TFRC: variants seen among roughly 807,000 people sequenced by gnomAD.
TFRC encodes transferrin receptor.
A neutral mutation model predicts 85.8 loss-of-function variants in TFRC; 35 were observed. The observed-to-expected ratio is 0.41, with a 90% confidence interval of 0.31 to 0.54. The LOEUF (loss-of-function observed/expected upper bound fraction) is 0.54, where lower values mean the gene tolerates loss of function less well. Among genes scored for constraint, TFRC ranks in the 20% least tolerant of loss-of-function variants. TFRC has a pLI of 0.31. For missense variants in TFRC, 828 were observed against 921.5 expected (o/e 0.90, Z 1.31); for synonymous variants, 362 against 328.6 (o/e 1.10, Z -1.10).
chr3:196,068,346 C>T (rs1233180244), intron 7 of TFRC, among the ~76,000 whole-genome samples: 2 of 152,180 alleles, frequency 1.3e-5, no homozygotes, highest in African/African-American at 4.8e-5. Context: ...GGAGTGGTGG[C>T]TCACGCCTGT....
rs1405302295 is a variant in TFRC, at chr3:196,072,134, T to A, written c.453A>T (p.Ser151=). The change falls in exon 5 of 19, where the codon TCA becomes TCT. Residue 151 remains serine (S), a synonymous_variant. Transcript: ENST00000360110. ...GAGATCCAGCCTCACGAGGGACATA[T>A]GAATTTTCATTCAGCAGCCTGGAGG... ...TGTIKLLNEN[S]YVPREAGSQK... 6.2e-7 allele frequency: 1 copy of A among 1,613,450 alleles called. No individual in the cohort carries two copies. Among genetic ancestry groups the A allele is most frequent in the Admixed American group, 1.7e-5 (1 of 59,798 alleles).
At position 196,053,617 on chromosome 3, in the gene TFRC, C is replaced by G. The variant is rs1046420116; in HGVS notation, c.1900-59G>C. The G allele has an allele frequency of 1.1e-5, 17 of 1,595,220 alleles. No homozygotes were observed. The African/African-American group carries it at 2.2e-4, about 20-fold the overall frequency. The stretch of plus-strand genomic sequence containing the variant: ...ATTTCTAAGGACATTCTTTTGTATG[C>G]CTTTCTAATTTAACGTGCGTTAAGT... On this transcript the variant is annotated intron_variant, in intron 17 of 18. Transcript: ENST00000360110.
At chr3:196,076,971 A>T in intron 2 of TFRC, 93 bp downstream of exon 2, 1 of 1,168,836 alleles carries the variant, frequency 8.6e-7, no homozygotes, top group South Asian at 1.3e-5. Flanking sequence ...CTGATAATAG[A>T]TTGGGGTTAT....
intron 16 of TFRC, among the ~76,000 whole-genome samples, chr3:196,056,565 A>C (rs577340821): frequency 1.8e-3 from 266 of 151,544 alleles, no homozygotes; most frequent in Non-Finnish European, 3.0e-3. Flanking sequence ...ATGCCCAGCT[A>C]ATTTTTTTGT....
intron 7 of TFRC, 44 bp downstream of exon 7, chr3:196,069,411 A>G (rs1418132521): frequency 8.7e-7 from 1 of 1,149,500 alleles, no homozygotes. Flanking sequence ...GAAGAGTAAG[A>G]TACCAAAAGT....
At chr3:196,079,945 T>C (rs1719029581) in intron 1 of TFRC, among the ~76,000 whole-genome samples, 1 of 152,220 alleles carries the variant, frequency 6.6e-6, no homozygotes, top group South Asian at 2.1e-4. Context: ...TATCCTGTAA[T>C]AACTGGTATT....
intron 10 of TFRC, 96 bp downstream of exon 10, chr3:196,065,347 G>A (rs1044305478): frequency 2.9e-6 from 2 of 685,392 alleles, no homozygotes; most frequent in East Asian, 6.3e-5. Context: ...AGCCAAGCCA[G>A]CATTCCTACA....
intron 13 of TFRC, among the ~76,000 whole-genome samples, chr3:196,061,980 C>T (rs138369622): frequency 4.6e-5 from 7 of 152,224 alleles, no homozygotes; most frequent in African/African-American, 1.7e-4. Context: ...GGTTAAGATA[C>T]AGGCTGAGGG....
At chr3:196,072,680 G>C (rs1051154477) in intron 4 of TFRC, 2 of 149,958 alleles carry the variant, frequency 1.3e-5, no homozygotes, top group African/African-American at 5.0e-5. Flanking sequence ...GCATCAACTA[G>C]ATGAAGTAGA....
chr3:196,074,721 A>T (rs1718509901), intron 3 of TFRC, among the ~76,000 whole-genome samples: 1 of 152,038 alleles, frequency 6.6e-6, no homozygotes. Flanking sequence ...TCTACTAAAA[A>T]TACAAAAATT....
rs56119775 is a variant in TFRC, at chr3:196,075,046, C to CAAA, written c.238+110_238+112dup. 2.2e-3 allele frequency: 1,174 copies of CAAA among 532,204 alleles called. 1 individual carries two copies. Among genetic ancestry groups the CAAA allele is most frequent in the African/African-American group, 3.2e-3 (101 of 31,812 alleles). 33.0% of individuals were successfully genotyped at this position (532,204 alleles called of 1,614,324 possible). On this transcript the variant is annotated intron_variant, in intron 3 of 18. Coordinates refer to ENST00000360110, the MANE Select transcript of TFRC (RefSeq NM_001128148.3). ...AGGCAAGAGAGTAAGCCTCTGTCTCCAAAAAAAAAAAAAAAAAAAATAAGG... is the reference window on the plus strand; with the variant it reads ...AGGCAAGAGAGTAAGCCTCTGTCTCCAAAAAAAAAAAAAAAAAAAAAAATAAGG...
chr3:196,058,464 T>C, intron 15 of TFRC, 99 bp from the exon 16 acceptor site: 6 of 1,470,040 alleles, frequency 4.1e-6, no homozygotes, highest in Non-Finnish European at 5.7e-6. Context: ...TAGCTGAATA[T>C]CTTTAGGTGT....
At chr3:196,068,582 G>A (rs1190830060) in intron 7 of TFRC, among the ~76,000 whole-genome samples, 1 of 114,666 alleles carries the variant, frequency 8.7e-6, no homozygotes, top group East Asian at 2.8e-4. Flanking sequence ...CTGCACTCCA[G>A]CCTGGACAAA....
chr3:196,075,838 A>G (rs889230480), intron 2 of TFRC, among the ~76,000 whole-genome samples: 2 of 152,054 alleles, frequency 1.3e-5, no homozygotes, highest in African/African-American at 2.4e-5. Context: ...CAGAAAAGAG[A>G]GAATAGACCA....
At chr3:196,053,322 T>G in intron 18 of TFRC, 96 bp downstream of exon 18, 1 of 1,387,332 alleles carries the variant, frequency 7.2e-7, no homozygotes, top group Non-Finnish European at 1.0e-6. Flanking sequence ...TTAAAGGAAT[T>G]CTAGACTCCT....
intron 9 of TFRC, among the ~76,000 whole-genome samples, 170 bp from the exon 10 acceptor site, chr3:196,065,770 T>A (rs1241485257): frequency 6.6e-6 from 1 of 151,832 alleles, no homozygotes; most frequent in East Asian, 1.9e-4. Flanking sequence ...GGCAGGTGGA[T>A]CACAAGGTCA....
chr3:196,077,213 T>A, intron 1 of TFRC, 91 bp from the exon 2 acceptor site: 1 of 862,280 alleles, frequency 1.2e-6, no homozygotes, highest in South Asian at 1.7e-5. Flanking sequence ...ACATTAAATT[T>A]TTAAAATACA....
intron 2 of TFRC, among the ~76,000 whole-genome samples, chr3:196,076,492 C>A (rs112149378): frequency 6.6e-6 from 1 of 151,034 alleles, no homozygotes; most frequent in Non-Finnish European, 1.5e-5. Flanking sequence ...CTCTGTTGCC[C>A]AGGCTGGAGT....
At chr3:196,061,528 C>T (rs1331584808) in intron 13 of TFRC, among the ~76,000 whole-genome samples, 2 of 152,032 alleles carry the variant, frequency 1.3e-5, no homozygotes, top group East Asian at 1.9e-4. Context: ...CTCGCTCTGT[C>T]GCCCAGGCTG....
Sources: gnomAD v4.1 joint callset for allele counts (sites outside exome capture counted in the v4.1 genomes callset) on GRCh38, gnomAD v4.1.1 for gene constraint, MANE v1.5 for transcripts, NCBI Gene and HGNC (gene_info 2026-07-23, HGNC 2026-07-21) for gene names.